The following BBOF1 variants were observed in gnomAD, a reference collection of about 807,000 sequenced individuals.
The protein encoded by BBOF1 is basal body-orientation factor 1.
Under a neutral mutation model 68.0 loss-of-function variants are expected in BBOF1, and 62 were observed. That is an observed-to-expected ratio of 0.91 (90% CI 0.74 to 1.13). The LOEUF (loss-of-function observed/expected upper bound fraction) is 1.13. Among genes scored for constraint, BBOF1 ranks in the 50% most tolerant of loss-of-function variants. The pLI, the probability that BBOF1 is intolerant of heterozygous loss-of-function variation, is 0.00. For synonymous variants in BBOF1, 208 were observed against 198.8 expected (o/e 1.05, Z -0.39); for missense variants, 534 against 600.1 (o/e 0.89, Z 1.15).
At chr14:74,024,612 G>A (rs951983073) in intron 2 of BBOF1, among the ~76,000 whole-genome samples, 16 of 152,140 alleles carry the variant, frequency 1.1e-4, no homozygotes, top group Non-Finnish European at 2.1e-4. Context: ...CTACAGGCAC[G>A]CACCTCCATG....
intron 3 of BBOF1, among the ~76,000 whole-genome samples, chr14:74,033,518 T>C (rs1198540188): frequency 2.0e-5 from 3 of 151,890 alleles, no homozygotes. Context: ...TGCAGTGAGC[T>C]GAGATCACGC....
At chr14:74,050,373 G>T (rs1474118179) in intron 8 of BBOF1, among the ~76,000 whole-genome samples, 178 bp downstream of exon 8, 1 of 152,196 alleles carries the variant, frequency 6.6e-6, no homozygotes, top group Non-Finnish European at 1.5e-5. Context: ...AGCATAGCAT[G>T]TGGGGCTTTG....
chr14:74,066,832 C>T (rs1348441099), downstream of BBOF1: 2 of 1,613,948 alleles, frequency 1.2e-6, no homozygotes, highest in African/African-American at 1.3e-5. Flanking sequence ...ATTACAGACT[C>T]GCTCTTTGGC....
chr14:74,049,552 C>T (rs2060020282), intron 7 of BBOF1, 150 bp from the exon 8 acceptor site: 1 of 667,206 alleles, frequency 1.5e-6, no homozygotes. Flanking sequence ...ATCCCAGCTA[C>T]TCAGGAGCCT....
At chr14:74,057,647 T>A in intron 11 of BBOF1, 2 of 1,325,284 alleles carry the variant, frequency 1.5e-6, no homozygotes, top group Admixed American at 2.2e-5. Context: ...TATGAAATGA[T>A]TTTTTTAAGC....
At chr14:74,052,893 G>A (rs1054871379) in intron 8 of BBOF1, among the ~76,000 whole-genome samples, 6 of 151,306 alleles carry the variant, frequency 4.0e-5, no homozygotes, top group South Asian at 4.2e-4. Context: ...CCATCTACTC[G>A]GGAGGCTGAG....
chr14:74,043,202 C>A (rs938310057), intron 5 of BBOF1, among the ~76,000 whole-genome samples: 1 of 152,052 alleles, frequency 6.6e-6, no homozygotes, highest in Non-Finnish European at 1.5e-5. Context: ...CCATTTATTT[C>A]TTTCTATTCT....
intron 5 of BBOF1, among the ~76,000 whole-genome samples, chr14:74,044,256 T>C (rs1445799940): frequency 6.7e-6 from 1 of 150,138 alleles, no homozygotes; most frequent in Non-Finnish European, 1.5e-5. Flanking sequence ...AAAACAATAA[T>C]AATAAAATAA....
chr14:74,056,198 ATTTT>A (rs34594924), intron 9 of BBOF1, among the ~76,000 whole-genome samples: 2 of 123,926 alleles, frequency 1.6e-5, no homozygotes, highest in East Asian at 2.5e-4. Flanking sequence ...CGCCCGGCTA[ATTTT>A]TTTTTTTTTT....
At chr14:74,080,379 T>TC (rs898739365) in intron 10 of BBOF1, among the ~76,000 whole-genome samples, 2 of 150,574 alleles carry the variant, frequency 1.3e-5, no homozygotes, top group African/African-American at 4.9e-5. Context: ...TTTTTTTTTT[T>TC]TTTTTTGAGA....
In BBOF1 at chr14:74,059,128, T is replaced by C. The variant is rs115564279; in HGVS notation, c.1578+1870T>C. ...AAAAGCGTAAAGGCAGTTGAACTAA[T>C]GGCAGAAGAAGACTGTCAAAGCATT... On this transcript the variant is annotated intron_variant, in intron 11 of 11. Transcript: ENST00000394009. 4.8e-3 allele frequency: 879 copies of C among 181,962 alleles called. 8 individuals are homozygous for C. Among genetic ancestry groups the C allele is most frequent in the African/African-American group, 0.021 (836 of 40,384 alleles). The allele number at this position is 181,962 out of a possible 1,614,324, so 11.3% of individuals were successfully genotyped here.
At chr14:74,023,955 A>T (rs1023087362) in intron 2 of BBOF1, among the ~76,000 whole-genome samples, 1 of 151,098 alleles carries the variant, frequency 6.6e-6, no homozygotes, top group African/African-American at 2.4e-5. Flanking sequence ...AAAAGAAAAG[A>T]AAAAGGGAAG....
chr14:74,042,871 CACACACAG>C (rs1304431275), intron 5 of BBOF1, among the ~76,000 whole-genome samples: 1,200 of 106,568 alleles, frequency 0.011, 18 homozygotes, highest in African/African-American at 0.047. Context: ...TATACACACA[CACACACAG>C]ACACACACAC....
At chr14:74,036,548 G>A (rs2059703582) in intron 4 of BBOF1, among the ~76,000 whole-genome samples, 1 of 151,968 alleles carries the variant, frequency 6.6e-6, no homozygotes, top group African/African-American at 2.4e-5. Context: ...GTCGGGCATG[G>A]TGGCATGTGC....
intron 8 of BBOF1, among the ~76,000 whole-genome samples, chr14:74,051,257 CAAAAA>C (rs1224256579): frequency 6.7e-6 from 1 of 149,730 alleles, no homozygotes; most frequent in Non-Finnish European, 1.5e-5. Context: ...AAAAACAAAA[CAAAAA>C]ACAAAAATTA....
At chr14:74,057,765 T>C in intron 11 of BBOF1, 2 of 1,114,288 alleles carry the variant, frequency 1.8e-6, no homozygotes, top group Non-Finnish European at 2.2e-6. Context: ...AAAAAGAAAA[T>C]ACTGACTTTT....
At chr14:74,072,093 A>G in intron 9 of BBOF1, 1 of 1,564,820 alleles carries the variant, frequency 6.4e-7, no homozygotes, top group Non-Finnish European at 8.8e-7. Flanking sequence ...GTCATGATCA[A>G]CGTCTCTGCA....
rs777938894 is a variant in BBOF1 at position 74,064,906 on chromosome 14, G to A, written c.*207G>A. 6.8e-6 allele frequency: 11 copies of A among 1,613,848 alleles called. No homozygotes were observed. In the South Asian group the frequency reaches 8.8e-5, roughly 13 times the overall value. On this transcript the variant is annotated 3_prime_UTR_variant, in exon 12 of 12. Transcript: ENST00000394009. ...ACATTGGCAAAGGCACTGGAATGGG[G>A]ACATTCACTCCCACCTAAAACAGAA...
intron 2 of BBOF1, among the ~76,000 whole-genome samples, chr14:74,025,441 G>A (rs2059401784): frequency 6.6e-6 from 1 of 152,078 alleles, no homozygotes; most frequent in African/African-American, 2.4e-5. Context: ...CTATATACTA[G>A]AAAAATGTTA....
Sources: gnomAD v4.1 joint callset for allele counts (sites outside exome capture counted in the v4.1 genomes callset) on GRCh38, gnomAD v4.1.1 for gene constraint, MANE v1.5 for transcripts, NCBI Gene and HGNC (gene_info 2026-07-23, HGNC 2026-07-21) for gene names.